RAB3GAP1: variants seen among roughly 807,000 people sequenced by gnomAD.
RAB3GAP1 encodes the protein RAB3 GTPase activating protein catalytic subunit 1.
Under a neutral mutation model 130.7 loss-of-function variants are expected in RAB3GAP1, and 86 were observed. The observed-to-expected ratio is 0.66, with a 90% CI of 0.55 to 0.79. The LOEUF (loss-of-function observed/expected upper bound fraction) is 0.79, where lower values mean the gene tolerates loss of function less well. Among genes scored for constraint, RAB3GAP1 ranks in the 30% least tolerant of loss-of-function variants. RAB3GAP1 has a pLI of 0.00. For missense variants in RAB3GAP1, 1,029 were observed against 1,169.4 expected, an observed-to-expected ratio of 0.88 and a Z score of 1.75; for synonymous variants, 367 against 401.7, an observed-to-expected ratio of 0.91 and a Z score of 1.03.
downstream of RAB3GAP1, among the ~76,000 whole-genome samples, chr2:135,171,045 T>G (rs1335868947): frequency 6.6e-6 from 1 of 151,844 alleles, no homozygotes; most frequent in African/African-American, 2.4e-5. Flanking sequence ...AAGGCCACTC[T>G]AGGGTGAGAG....
intron 17 of RAB3GAP1, among the ~76,000 whole-genome samples, chr2:135,143,841 G>A (rs769124450): frequency 2.0e-5 from 3 of 152,318 alleles, no homozygotes; most frequent in Non-Finnish European, 4.4e-5. Flanking sequence ...GAGCCACTGT[G>A]TCCGGCCCTA....
intron 5 of RAB3GAP1, among the ~76,000 whole-genome samples, chr2:135,096,657 A>G (rs979475983): frequency 4.6e-5 from 7 of 152,164 alleles, no homozygotes; most frequent in African/African-American, 1.7e-4. Context: ...TTGAACACTT[A>G]CTTACTGTTT....
At chr2:135,066,456 G>C (rs143471188) in intron 3 of RAB3GAP1, among the ~76,000 whole-genome samples, 2 of 152,288 alleles carry the variant, frequency 1.3e-5, no homozygotes, top group East Asian at 3.9e-4. Flanking sequence ...CCTATTTTAT[G>C]GAGGAGAAAT....
chr2:135,126,175 T>C lies in RAB3GAP1; in HGVS notation c.831-6T>C, dbSNP rs762552793. 1 of 1,608,178 alleles carries C rather than the reference T, an allele frequency of 6.2e-7. No homozygotes were observed. Among genetic ancestry groups the C allele is most frequent in the Admixed American group, 1.7e-5 (1 of 59,982 alleles). On this transcript the variant is annotated splice_region_variant and splice_polypyrimidine_tract_variant and intron_variant, in intron 9 of 23. Transcript: ENST00000264158. ...AAAGCTTTTGGGTATATTTTATGTT[T>C]TTTAGTGAACTCCATTTAGCTACTA... is the stretch of plus-strand genomic sequence containing the variant.
downstream of RAB3GAP1, among the ~76,000 whole-genome samples, chr2:135,172,156 G>A (rs1157068303): frequency 4.6e-5 from 7 of 152,144 alleles, no homozygotes; most frequent in East Asian, 5.8e-4. Context: ...GGGGCTGGGC[G>A]CAGTGGCTCG....
intron 15 of RAB3GAP1, among the ~76,000 whole-genome samples, chr2:135,134,480 A>G (rs923433624): frequency 1.3e-5 from 2 of 152,132 alleles, no homozygotes; most frequent in Admixed American, 1.3e-4. Context: ...TGTTCTTTAT[A>G]CTTTTATGCA....
intron 3 of RAB3GAP1, among the ~76,000 whole-genome samples, chr2:135,084,028 T>C (rs1689906116): frequency 6.6e-6 from 1 of 152,070 alleles, no homozygotes; most frequent in African/African-American, 2.4e-5. Context: ...GTGAATCATC[T>C]GAGGTTAGGA....
chr2:135,111,675 A>C (rs372331281), intron 5 of RAB3GAP1, among the ~76,000 whole-genome samples: 2 of 152,202 alleles, frequency 1.3e-5, no homozygotes, highest in Non-Finnish European at 2.9e-5. Context: ...CATTAAAGCA[A>C]AGTTTCAATA....
chr2:135,155,525 A>G (rs551593465), intron 19 of RAB3GAP1, among the ~76,000 whole-genome samples: 122 of 152,304 alleles, frequency 8.0e-4, no homozygotes, highest in African/African-American at 2.7e-3. Context: ...CAATTTTGTT[A>G]TCATGGGAAC....
At chr2:135,111,935 T>A (rs1435689077) in intron 5 of RAB3GAP1, among the ~76,000 whole-genome samples, 1 of 152,252 alleles carries the variant, frequency 6.6e-6, no homozygotes, top group East Asian at 1.9e-4. Context: ...AACATTTAAA[T>A]TACTCAACTA....
At chr2:135,108,234 A>G (rs1690690021) in intron 5 of RAB3GAP1, among the ~76,000 whole-genome samples, 2 of 152,132 alleles carry the variant, frequency 1.3e-5, no homozygotes, top group Admixed American at 6.5e-5. Flanking sequence ...TACATATGCA[A>G]TCTGTTATTC....
intron 5 of RAB3GAP1, among the ~76,000 whole-genome samples, chr2:135,107,233 T>G (rs1466603305): frequency 6.6e-6 from 1 of 152,072 alleles, no homozygotes; most frequent in Admixed American, 6.5e-5. Flanking sequence ...CAAGTAATAC[T>G]AAAAGACATA....
intron 3 of RAB3GAP1, among the ~76,000 whole-genome samples, chr2:135,081,175 T>C (rs997966431): frequency 1.3e-5 from 2 of 150,100 alleles, no homozygotes; most frequent in African/African-American, 4.9e-5. Flanking sequence ...GGCGTGGTGG[T>C]GGGTGCCTGT....
At chr2:135,060,539 T>C (rs1449382967) in intron 3 of RAB3GAP1, among the ~76,000 whole-genome samples, 3 of 151,802 alleles carry the variant, frequency 2.0e-5, no homozygotes, top group South Asian at 2.1e-4. Context: ...GGATTACAGG[T>C]GTGAGCCACC....
chr2:135,118,147 A>G (rs565559732), intron 7 of RAB3GAP1, among the ~76,000 whole-genome samples: 8 of 152,178 alleles, frequency 5.3e-5, no homozygotes, highest in Non-Finnish European at 1.0e-4. Context: ...GCTGGGCCTT[A>G]GTCCTTCTTC....
intron 3 of RAB3GAP1, 78 bp downstream of exon 3, chr2:135,058,164 C>T: frequency 8.3e-7 from 1 of 1,201,230 alleles, no homozygotes; most frequent in East Asian, 2.4e-5. Flanking sequence ...CTGCATTTGG[C>T]ACATTTGAAT....
chr2:135,053,003 T>C (rs766886075), intron 2 of RAB3GAP1, among the ~76,000 whole-genome samples: 7 of 152,186 alleles, frequency 4.6e-5, no homozygotes, highest in Admixed American at 1.3e-4. Flanking sequence ...TTTTTATTTA[T>C]TTTTGGAGAC....
Position 135,153,765 on chromosome 2 carries a change from T to G in RAB3GAP1, c.2178T>G (p.Ser726Arg). ...KGNVVLKGEL[S>R]ARMKIPSNMW... ...ATGTGGTGCTGAAAGGAGAACTGAG[T>G]GCCCGGATGAAGATTCCAAGCAATA... The change falls in exon 19 of 24, where the codon AGT (serine) becomes AGG (arginine). Residue 726 changes from serine to arginine, a missense_variant. By Grantham distance (110) the Ser-to-Arg change is moderately radical (BLOSUM62 -1). This residue lies in a region of RAB3GAP1 where 373 missense variants were observed against 493.6 expected (regional missense o/e 0.76). Transcript: ENST00000264158. 8 of 1,613,942 alleles carry G rather than the reference T, an allele frequency of 5.0e-6. No homozygotes were observed. The highest frequency in any genetic ancestry group is 6.8e-6 in the Non-Finnish European group (8 of 1,179,916).
rs777506393 is a variant in RAB3GAP1 at position 135,115,350 on chromosome 2, C to T, written c.617C>T (p.Ser206Leu). ...RKVPNQYTHL[S>L]GLLDIFKSKI... is the part of the protein sequence containing the mutation. ...GTGCCAAATCAGTACACTCACTTAT[C>T]AGGTCTGCTGGATATCTTCAAATCA... is the stretch of plus-strand genomic sequence containing the variant. The change falls in exon 7 of 24, where the codon TCA becomes TTA. Residue 206 changes from serine to leucine, a missense_variant. Ser to Leu is a moderately radical substitution (Grantham distance 145). This residue lies in a region of RAB3GAP1 where 510 missense variants were observed against 532.1 expected (regional missense o/e 0.96). Transcript: ENST00000264158. 1.2e-6 allele frequency: 2 copies of T among 1,613,578 alleles called. No individual in the cohort carries two copies. The highest frequency in any genetic ancestry group is 1.7e-6 in the Non-Finnish European group (2 of 1,179,570).
Sources: gnomAD v4.1 joint callset for allele counts (sites outside exome capture counted in the v4.1 genomes callset) on GRCh38, gnomAD v4.1.1 for gene constraint, gnomAD v4.1.1 regional missense constraint, MANE v1.5 for transcripts, NCBI Gene and HGNC (gene_info 2026-07-23, HGNC 2026-07-21) for gene names.